The following PBRM1 variants were observed in gnomAD, a reference collection of about 807,000 sequenced individuals.
PBRM1 encodes the protein protein polybromo-1.
Under a neutral mutation model 194.5 loss-of-function variants are expected in PBRM1, and 27 were observed. The observed-to-expected ratio is 0.14, with a 90% confidence interval of 0.10 to 0.19. The LOEUF is 0.19. Among genes scored for constraint, PBRM1 ranks in the 10% least tolerant of loss-of-function variants. The probability of loss-of-function intolerance (pLI) is 1.00; values close to 1 mark genes in which losing one functional copy is unlikely to be tolerated. For synonymous variants in PBRM1, 655 were observed against 693.2 expected, an observed-to-expected ratio of 0.94 and a Z score of 0.87; for missense variants, 1,466 against 2,077.2, an observed-to-expected ratio of 0.71 and a Z score of 5.72.
At chr3:52,630,697 T>C (rs1305921190) in intron 11 of PBRM1, among the ~76,000 whole-genome samples, 1 of 152,184 alleles carries the variant, frequency 6.6e-6, no homozygotes, top group African/African-American at 2.4e-5. Flanking sequence ...AGAACTTTAG[T>C]GTGCTGGGCT....
chr3:52,684,354 T>A (rs967972922), upstream of PBRM1, among the ~76,000 whole-genome samples: 1 of 152,118 alleles, frequency 6.6e-6, no homozygotes, highest in Non-Finnish European at 1.5e-5. Flanking sequence ...TACTTAATAA[T>A]GTGCAACTGG....
exon 4 of PBRM1, chr3:52,662,202 C>G (rs2153925948): frequency 6.2e-7 from 1 of 1,613,920 alleles, no homozygotes; most frequent in African/African-American, 1.3e-5. Context: ...CTTCTCCTTT[C>G]TGAACAAACT....
At chr3:52,561,633 G>C in intron 25 of PBRM1, 134 bp downstream of exon 27, 1 of 771,584 alleles carries the variant, frequency 1.3e-6, no homozygotes, top group Non-Finnish European at 2.3e-6. Context: ...TACTGGTTGG[G>C]TGCCATTTGG....
chr3:52,572,989 G>C (rs2087947660), intron 22 of PBRM1, among the ~76,000 whole-genome samples: 1 of 152,182 alleles, frequency 6.6e-6, no homozygotes, highest in Admixed American at 6.5e-5. Context: ...GTGATTACTA[G>C]ATGCATTTTC....
At chr3:52,648,143 G>A (rs2096381226) in intron 7 of PBRM1, among the ~76,000 whole-genome samples, 1 of 152,030 alleles carries the variant, frequency 6.6e-6, no homozygotes, top group African/African-American at 2.4e-5. Flanking sequence ...GCCTGACCTC[G>A]TGATCCACCC....
chr3:52,641,937 C>T lies in PBRM1; in HGVS notation c.1087+17G>A. 6.7e-7 allele frequency: 1 copy of T among 1,497,424 alleles called. No homozygotes were observed. Among genetic ancestry groups the T allele is most frequent in the Non-Finnish European group, 9.3e-7 (1 of 1,073,492 alleles). The allele number at this position is 1,497,424 out of a possible 1,614,324, so 92.8% of individuals were successfully genotyped here. ...TCCACTAAGAAGGCATTTCGCTAGT[C>T]AAAACCTAATGCCTACCAGCTAAAG... On this transcript the variant is annotated intron_variant, in intron 10 of 29. Transcript: ENST00000296302.
chr3:52,673,937 G>T (rs2097018269), intron 2 of PBRM1, among the ~76,000 whole-genome samples: 1 of 151,342 alleles, frequency 6.6e-6, no homozygotes, highest in African/African-American at 2.4e-5. Context: ...TGTAATCCCA[G>T]CTACTTGGGA....
chr3:52,564,331 T>A, intron 22 of PBRM1, 98 bp from the exon 25 acceptor site: 1 of 869,518 alleles, frequency 1.2e-6, no homozygotes, highest in South Asian at 1.5e-5. Flanking sequence ...TACATTCATA[T>A]AATTAACAAT....
At chr3:52,605,823 G>A (rs1007524201) in intron 16 of PBRM1, among the ~76,000 whole-genome samples, 2 of 151,832 alleles carry the variant, frequency 1.3e-5, no homozygotes, top group Non-Finnish European at 2.9e-5. Context: ...GGCTGGTCTC[G>A]AACTCCTGAC....
Position 52,609,339 on chromosome 3 carries a change from T to C in PBRM1, c.2541A>G (p.Val847=). The C allele has an allele frequency of 6.2e-7, 1 of 1,613,820 alleles. No individual in the cohort carries two copies. ...GATTCATCCTTCTTGCTCGTTCCAA[T>C]ACTTCAAACATATGCTCTTGAAATA... is the stretch of plus-strand genomic sequence containing the variant. Residue 847 remains valine, a synonymous_variant, in exon 16 of 30, where the codon GTA becomes GTG. Coordinates refer to ENST00000296302, the Ensembl canonical transcript of PBRM1. The surrounding 1 kb of genome is among the most constrained non-coding windows in gnomAD (Gnocchi z 4.1).
At chr3:52,641,488 GAA>G (rs2096083441) in intron 10 of PBRM1, among the ~76,000 whole-genome samples, 1 of 131,396 alleles carries the variant, frequency 7.6e-6, no homozygotes, top group South Asian at 2.6e-4. Flanking sequence ...AGAAAGAAAA[GAA>G]TATACCAGAA....
At chr3:52,601,720 C>A (rs762050330) in intron 17 of PBRM1, among the ~76,000 whole-genome samples, 3 of 152,064 alleles carry the variant, frequency 2.0e-5, no homozygotes, top group Non-Finnish European at 2.9e-5. Flanking sequence ...TCCAGGCAGG[C>A]CAATTCCTGG....
intron 2 of PBRM1, among the ~76,000 whole-genome samples, chr3:52,674,636 A>AT (rs1274100902): frequency 8.5e-5 from 11 of 129,082 alleles, no homozygotes; most frequent in African/African-American, 2.5e-4. Context: ...CCAAAAAAAA[A>AT]AAAAAAAATA....
intron 10 of PBRM1, among the ~76,000 whole-genome samples, chr3:52,638,151 C>A (rs13068293): frequency 0.34 from 51,920 of 151,762 alleles, 9,888 homozygotes; most frequent in Admixed American, 0.46. Flanking sequence ...CAACTGTGTC[C>A]TTATATACTA....
In PBRM1 at chr3:52,627,268, T is replaced by C. The variant is rs2095477161; in HGVS notation, c.1541+5A>G. 2.6e-6 allele frequency: 4 copies of C among 1,533,334 alleles called. No individual in the cohort carries two copies. Among genetic ancestry groups the C allele is most frequent in the Non-Finnish European group, 3.6e-6 (4 of 1,106,446 alleles). 95.0% of individuals were successfully genotyped at this position (1,533,334 alleles called of 1,614,324 possible). On this transcript the variant is annotated splice_donor_5th_base_variant and intron_variant, in intron 13 of 29. Transcript: ENST00000296302. ...GATGTCCCCAGCTATAAGAAGAGTA[T>C]ATACCTTTTTCTTTTGGCACTACCA...
Position 52,642,062 on chromosome 3 carries a change from A to G in PBRM1, c.996-17T>C. ...CTTTTATTACTACAAAAAAAAAAAA[A>G]GCAATTAGACAGGGAAGGATGTTAT... On this transcript the variant is annotated splice_polypyrimidine_tract_variant and intron_variant, in intron 9 of 29. Transcript: ENST00000296302. 5 of 1,214,440 alleles carry G rather than the reference A, an allele frequency of 4.1e-6. No homozygotes were observed. The highest frequency in any genetic ancestry group is 6.1e-6 in the Non-Finnish European group (5 of 823,494). 75.2% of individuals were successfully genotyped at this position (1,214,440 alleles called of 1,614,324 possible).
chr3:52,557,456 C>T (rs527657735), intron 26 of PBRM1, among the ~76,000 whole-genome samples: 1 of 152,240 alleles, frequency 6.6e-6, no homozygotes, highest in African/African-American at 2.4e-5. Context: ...CAGACCTCAC[C>T]AGGACTGGAG....
intron 4 of PBRM1, among the ~76,000 whole-genome samples, chr3:52,658,946 T>A (rs1003761339): frequency 1.3e-5 from 2 of 152,206 alleles, no homozygotes; most frequent in South Asian, 4.1e-4. Context: ...AGAAAGCATG[T>A]CCCATAATAG....
chr3:52,642,932 A>G (rs577826984), intron 9 of PBRM1, among the ~76,000 whole-genome samples: 5 of 151,534 alleles, frequency 3.3e-5, no homozygotes, highest in Non-Finnish European at 7.4e-5. Flanking sequence ...GATTACAGGC[A>G]CCCGCCACCA....
Sources: allele counts gnomAD v4.1 joint callset (sites outside exome capture counted in the v4.1 genomes callset), GRCh38; gene constraint gnomAD v4.1.1; non-coding constraint Gnocchi (gnomAD v3.1); transcripts MANE v1.5; gene names NCBI Gene and HGNC (gene_info 2026-07-23, HGNC 2026-07-21).